Variants in DPP6 observed in about 807,000 individuals in gnomAD.
DPP6 encodes the protein dipeptidyl peptidase like 6, also known as A-type potassium channel modulatory protein DPP6.
A neutral mutation model predicts 122.6 loss-of-function variants in DPP6; 69 were observed. That is an observed-to-expected ratio of 0.56 (90% CI 0.46 to 0.69). The LOEUF is 0.69. Among genes scored for constraint, DPP6 ranks in the 30% least tolerant of loss-of-function variants. DPP6 has a pLI of 0.00. For synonymous variants in DPP6, 418 were observed against 433.1 expected (o/e 0.97, Z 0.43); for missense variants, 928 against 1,116.9 (o/e 0.83, Z 2.41).
intron 17 of DPP6, among the ~76,000 whole-genome samples, chr7:154,856,908 A>G (rs1802884265): frequency 6.6e-6 from 1 of 152,210 alleles, no homozygotes. Flanking sequence ...TCTCTGTGTG[A>G]AATTTAACAG....
chr7:154,085,806 C>A (rs188576578), intron 1 of DPP6, among the ~76,000 whole-genome samples: 96 of 152,314 alleles, frequency 6.3e-4, no homozygotes, highest in African/African-American at 2.1e-3. Context: ...TGGCTCACTG[C>A]AACCTCTGCC....
the DPP6 span, among the ~76,000 whole-genome samples, chr7:153,837,686 T>C: frequency 6.6e-6 from 1 of 151,836 alleles, no homozygotes; most frequent in South Asian, 2.1e-4. Context: ...TGTAGTTTTT[T>C]CTTTGTTTTT....
At chr7:154,828,497 A>G (rs1800367455) in intron 16 of DPP6, among the ~76,000 whole-genome samples, 1 of 152,220 alleles carries the variant, frequency 6.6e-6, no homozygotes, top group South Asian at 2.1e-4. Flanking sequence ...TTCTAAAGAA[A>G]TAGCTGCTAA....
chr7:154,790,192 C>T (rs1253446185), intron 10 of DPP6, among the ~76,000 whole-genome samples: 6 of 152,046 alleles, frequency 3.9e-5, no homozygotes, highest in Non-Finnish European at 7.4e-5. Flanking sequence ...AGCGAGACTC[C>T]GTCTAAAAAA....
chr7:153,988,741 G>A (rs769145537), intron 1 of DPP6, among the ~76,000 whole-genome samples: 34 of 152,362 alleles, frequency 2.2e-4, no homozygotes, highest in Non-Finnish European at 4.3e-4. Flanking sequence ...GGAAATCATG[G>A]AAATGAGGAA....
intron 1 of DPP6, among the ~76,000 whole-genome samples, chr7:154,439,245 A>C (rs936170952): frequency 6.6e-6 from 1 of 152,200 alleles, no homozygotes; most frequent in Non-Finnish European, 1.5e-5. Flanking sequence ...TGGGTTTCAG[A>C]GAGTCTATGC....
chr7:153,954,386 T>C (rs1248672572), intron 1 of DPP6, among the ~76,000 whole-genome samples: 3 of 152,220 alleles, frequency 2.0e-5, no homozygotes, highest in Admixed American at 2.0e-4. Flanking sequence ...CCCATAATTA[T>C]CTGCTGATTC....
intron 7 of DPP6, among the ~76,000 whole-genome samples, chr7:154,710,178 C>G (rs1015263986): frequency 6.6e-6 from 1 of 152,208 alleles, no homozygotes; most frequent in African/African-American, 2.4e-5. Flanking sequence ...TGGAATCTTC[C>G]CTGCCCGATG....
At position 154,772,846 on chromosome 7, in the gene DPP6, C is replaced by T. The variant is rs1250834963; in HGVS notation, c.1040C>T (p.Ala347Val). ...PTVKPYHYPK[A>V]GSENPSISLH... ...TCTCTGCCCCTTTTTAATCCCCAGG[C>T]TGGAAGTGAGAACCCCAGCATTTCC... Residue 347 changes from alanine to valine, a missense_variant and splice_region_variant, in exon 10 of 26, where the codon GCT (alanine) becomes GTT (valine). Ala to Val is a moderately conservative substitution (Grantham distance 64, BLOSUM62 0). Coordinates refer to ENST00000377770, the MANE Select transcript of DPP6 (RefSeq NM_130797.4). The T allele has an allele frequency of 6.2e-7, 1 of 1,611,710 alleles. No individual in the cohort carries two copies. The highest frequency in any genetic ancestry group is 2.2e-5 in the East Asian group (1 of 44,788).
chr7:154,222,838 A>G (rs1332001161), intron 1 of DPP6, among the ~76,000 whole-genome samples: 1 of 148,810 alleles, frequency 6.7e-6, no homozygotes, highest in Non-Finnish European at 1.5e-5. Flanking sequence ...TGGAACCACC[A>G]GTGCTCAGTC....
the DPP6 span, among the ~76,000 whole-genome samples, chr7:153,769,582 GGGTAATTCT>G: frequency 6.6e-6 from 1 of 152,178 alleles, no homozygotes; most frequent in African/African-American, 2.4e-5. Context: ...CTCTGGAAAG[GGGTAATTCT>G]AGGAGATTTA....
intron 1 of DPP6, among the ~76,000 whole-genome samples, chr7:153,909,544 C>G (rs1799990184): frequency 1.3e-5 from 2 of 152,158 alleles, no homozygotes; most frequent in African/African-American, 4.8e-5. Flanking sequence ...CTATTTTTAA[C>G]TCCTCCTCAT....
In DPP6 at chr7:154,539,428, A is replaced by G. The variant is rs1057200564; in HGVS notation, c.458-1104A>G. ...GTTCTCACTCATAGGTGGGAATTGA[A>G]CAATGAGAACACTTGGACACAGGAA... On this transcript the variant is annotated intron_variant, in intron 3 of 25. Transcript: ENST00000377770. Among the ~76,000 whole-genome samples the G allele has an allele frequency of 5.3e-5, 8 of 152,288 alleles. No homozygotes were observed. The East Asian group carries it at 1.2e-3, about 22-fold the overall frequency.
chr7:153,889,583 T>G (rs765050563), intron 1 of DPP6, among the ~76,000 whole-genome samples: 1 of 152,318 alleles, frequency 6.6e-6, no homozygotes, highest in South Asian at 2.1e-4. Flanking sequence ...ATTAGAAACC[T>G]TATGGTCTTT....
At chr7:154,868,656 T>G (rs1804104146) in intron 18 of DPP6, among the ~76,000 whole-genome samples, 1 of 152,214 alleles carries the variant, frequency 6.6e-6, no homozygotes, top group Non-Finnish European at 1.5e-5. Context: ...TGCTAAGCAC[T>G]AAACACCCCA....
intron 1 of DPP6, among the ~76,000 whole-genome samples, chr7:154,267,426 A>G (rs1217714509): frequency 2.0e-5 from 3 of 148,784 alleles, no homozygotes; most frequent in Non-Finnish European, 4.5e-5. Context: ...ACACATATAC[A>G]TATACATGCA....
At chr7:154,434,027 A>G (rs899371645) in intron 1 of DPP6, among the ~76,000 whole-genome samples, 3 of 152,240 alleles carry the variant, frequency 2.0e-5, no homozygotes, top group Admixed American at 6.5e-5. Flanking sequence ...TTTTACCTAT[A>G]AGAACAATAA....
intron 6 of DPP6, among the ~76,000 whole-genome samples, chr7:154,649,472 G>C (rs1344034145): frequency 4.6e-5 from 7 of 152,122 alleles, no homozygotes; most frequent in Admixed American, 4.6e-4. Flanking sequence ...TTCCAAAGTG[G>C]CTGCACCATT....
chr7:154,199,026 T>TC (rs1359732330), intron 1 of DPP6, among the ~76,000 whole-genome samples: 7 of 151,738 alleles, frequency 4.6e-5, no homozygotes, highest in African/African-American at 9.7e-5. Flanking sequence ...GGGTTTTTTT[T>TC]TTTTGGTGGA....
Sources: allele counts gnomAD v4.1 joint callset (sites outside exome capture counted in the v4.1 genomes callset), GRCh38; gene constraint gnomAD v4.1.1; transcripts MANE v1.5; gene names NCBI Gene and HGNC (gene_info 2026-07-23, HGNC 2026-07-21).